The following DHX37 variants were observed in gnomAD, a reference collection of about 807,000 sequenced individuals.
DHX37 encodes the protein DEAH-box helicase 37, also known as probable ATP-dependent RNA helicase DHX37.
A neutral mutation model predicts 134.3 loss-of-function variants in DHX37; 52 were observed. The observed-to-expected ratio is 0.39, with a 90% CI of 0.31 to 0.49. The LOEUF (loss-of-function observed/expected upper bound fraction) is 0.49. DHX37 is among the 20% of genes least tolerant of loss of function. DHX37 has a pLI of 0.93. For synonymous variants in DHX37, 634 were observed against 670.7 expected, an observed-to-expected ratio of 0.95 and a Z score of 0.85; for missense variants, 1,344 against 1,580.8, an observed-to-expected ratio of 0.85 and a Z score of 2.54.
At chr12:124,968,486 G>A in intron 10 of DHX37, 48 bp downstream of exon 10, 1 of 1,601,090 alleles carries the variant, frequency 6.2e-7, no homozygotes, top group South Asian at 1.1e-5. Flanking sequence ...CTTTCAGCGA[G>A]GGTTTAGGAA....
intron 8 of DHX37, among the ~76,000 whole-genome samples, chr12:124,971,020 T>A (rs1954511209): frequency 6.6e-6 from 1 of 152,210 alleles, no homozygotes; most frequent in Non-Finnish European, 1.5e-5. Context: ...TGGCAAGGCA[T>A]CAACACTTCT....
chr12:124,976,899 T>C (rs1954655628), intron 5 of DHX37, among the ~76,000 whole-genome samples: 1 of 150,278 alleles, frequency 6.7e-6, no homozygotes, highest in Non-Finnish European at 1.5e-5. Flanking sequence ...ATACAAAAAT[T>C]AGCTGGGTGT....
chr12:124,982,726 C>T lies in DHX37; in HGVS notation c.277-103G>A. On this transcript the variant is annotated intron_variant, in intron 2 of 26. Transcript: ENST00000308736. ...TTTCAGCATCATTAACACCTGGAGTCTTTAAAATCGGCGGTCAAATTGCAA... is the reference window on the plus strand; with the variant it reads ...TTTCAGCATCATTAACACCTGGAGTTTTTAAAATCGGCGGTCAAATTGCAA... 2.0e-6 allele frequency: 3 copies of T among 1,476,768 alleles called. No homozygotes were observed. In the South Asian group the frequency reaches 3.8e-5, roughly 19 times the overall value. 91.5% of individuals were successfully genotyped at this position (1,476,768 alleles called of 1,614,324 possible).
At chr12:124,968,775 C>G (rs948630913) in intron 9 of DHX37, 92 bp downstream of exon 9, 43 of 1,596,870 alleles carry the variant, frequency 2.7e-5, no homozygotes, top group South Asian at 1.5e-4. Flanking sequence ...GTCAATCCCC[C>G]CTGTGACCAA....
At chr12:124,966,359 G>A (rs1954387452) in intron 12 of DHX37, among the ~76,000 whole-genome samples, 1 of 151,604 alleles carries the variant, frequency 6.6e-6, no homozygotes, top group South Asian at 2.1e-4. Context: ...TAGCCACCAC[G>A]CCTGGCCTTC....
At chr12:124,965,594 G>A in intron 13 of DHX37, 74 bp downstream of exon 13, 1 of 1,469,818 alleles carries the variant, frequency 6.8e-7, no homozygotes, top group Middle Eastern at 2.4e-4. Flanking sequence ...CCCCCGGGGG[G>A]CCCACAAGGG....
At chr12:124,960,570 G>A in intron 15 of DHX37, 147 bp from the exon 16 acceptor site, 1 of 1,336,818 alleles carries the variant, frequency 7.5e-7, no homozygotes, top group Non-Finnish European at 1.0e-6. Context: ...CAGGCACGGT[G>A]CTTTACCGCT....
chr12:124,986,001 A>G, intron 2 of DHX37, 95 bp downstream of exon 2: 1 of 1,478,428 alleles, frequency 6.8e-7, no homozygotes, highest in Middle Eastern at 2.4e-4. Flanking sequence ...AAGTTCTATT[A>G]GTTGCACCAC....
chr12:124,979,237 G>C (rs527565673), intron 4 of DHX37, among the ~76,000 whole-genome samples: 11 of 152,144 alleles, frequency 7.2e-5, no homozygotes, highest in African/African-American at 2.7e-4. Context: ...GCGTAGTAGC[G>C]TGTGCCCACA....
chr12:124,960,500 G>A (rs1954214290), intron 15 of DHX37, 77 bp from the exon 16 acceptor site: 1 of 1,562,312 alleles, frequency 6.4e-7, no homozygotes, highest in Non-Finnish European at 8.7e-7. Context: ...TGGGCAGACA[G>A]AAACCGGGAC....
chr12:124,962,955 G>A (rs546550926), intron 15 of DHX37, among the ~76,000 whole-genome samples: 2 of 152,350 alleles, frequency 1.3e-5, no homozygotes, highest in East Asian at 3.9e-4. Context: ...TGGCTCCTCG[G>A]TAAGTTAAAC....
chr12:124,954,225 T>A lies in DHX37; in HGVS notation c.2454-14A>T. Reference sequence around the variant, plus strand: ...CTGGCCGCTGGTCTGCAAACACACATACATACTGTCTGGGCTGGGGCCTCG... The same window carrying A: ...CTGGCCGCTGGTCTGCAAACACACAAACATACTGTCTGGGCTGGGGCCTCG... On this transcript the variant is annotated splice_polypyrimidine_tract_variant and intron_variant, in intron 18 of 26. Coordinates refer to ENST00000308736, the MANE Select transcript of DHX37 (RefSeq NM_032656.4). 1.3e-6 allele frequency: 2 copies of A among 1,562,284 alleles called. No homozygotes were observed. The highest frequency in any genetic ancestry group is 1.7e-6 in the Non-Finnish European group (2 of 1,155,194).
In DHX37 at chr12:124,967,131, C is replaced by T. The variant is rs141011175; in HGVS notation, c.1496G>A (p.Arg499Gln). Residue 499 changes from arginine to glutamine, a missense_variant, in exon 11 of 27, where the codon CGG becomes CAG. Arg to Gln is a conservative substitution (Grantham distance 43, BLOSUM62 1). Coordinates refer to ENST00000308736, the MANE Select transcript of DHX37 (RefSeq NM_032656.4). ...CGGGGCGTCCTCTTTACCTTGTGGC[C>T]GGGCTCTGGAGGGTGGGAAAGCCTT... ...LRKAFPPSRA[R>Q]PQEKDDDQKD... is the part of the protein sequence containing the mutation. The T allele has an allele frequency of 7.0e-4, 1,132 of 1,613,652 alleles. 2 individuals are homozygous for T. The highest frequency in any genetic ancestry group is 8.9e-4 in the Non-Finnish European group (1,046 of 1,180,006).
chr12:124,981,474 G>T (rs1451645536), intron 3 of DHX37, among the ~76,000 whole-genome samples: 1 of 152,076 alleles, frequency 6.6e-6, no homozygotes, highest in Non-Finnish European at 1.5e-5. Context: ...TCACCTTGTC[G>T]CCCAGGACGG....
chr12:124,967,207 C>A lies in DHX37; in HGVS notation c.1420G>T (p.Val474Leu), dbSNP rs762497882. 2 of 1,613,898 alleles carry A rather than the reference C, an allele frequency of 1.2e-6. No individual in the cohort carries two copies. The highest frequency in any genetic ancestry group is 1.7e-6 in the Non-Finnish European group (2 of 1,180,014). ...HRMLPAGGIL[V>L]FLTGQAEVHA... ...ACCTCAGCCTGCCCCGTCAGGAACA[C>A]CAGGATGCCACCTGTGGAAAGAATG... is the stretch of plus-strand genomic sequence containing the variant. The change falls in exon 11 of 27, where the codon GTG becomes TTG. Residue 474 changes from valine (V) to leucine (L), a missense_variant. By Grantham distance (32) the Val-to-Leu change is conservative. Around this residue, in one of 7 missense-constraint regions of DHX37, gnomAD observed 289 missense variants for 323.8 expected, o/e 0.89. Coordinates refer to ENST00000308736, the MANE Select transcript of DHX37 (RefSeq NM_032656.4).
intron 16 of DHX37, among the ~76,000 whole-genome samples, chr12:124,958,178 TG>T (rs1954141317): frequency 6.6e-6 from 1 of 152,214 alleles, no homozygotes; most frequent in East Asian, 1.9e-4. Flanking sequence ...GTGAACACAC[TG>T]GAAACTACTG....
intron 22 of DHX37, 32 bp from the exon 23 acceptor site, chr12:124,950,582 G>A (rs746906254): frequency 8.4e-6 from 13 of 1,548,756 alleles, no homozygotes; most frequent in Non-Finnish European, 1.1e-5. Flanking sequence ...TGGGGTTACA[G>A]CGGCACCCTC....
rs772028476 is a variant in DHX37 at position 124,968,599 on chromosome 12, G to A, written c.1343C>T (p.Pro448Leu). 8.3e-5 allele frequency: 134 copies of A among 1,614,010 alleles called. 1 individual carries two copies. The highest frequency in any genetic ancestry group is 6.6e-4 in the Middle Eastern group (4 of 6,084). The change falls in exon 10 of 27, where the codon CCG becomes CTG. Residue 448 changes from proline (P) to leucine (L), a missense_variant. Around this residue, in one of 7 missense-constraint regions of DHX37, gnomAD observed 289 missense variants for 323.8 expected, o/e 0.89. Coordinates refer to ENST00000308736, the MANE Select transcript of DHX37 (RefSeq NM_032656.4). The part of the protein sequence containing the change: ...PVTVHFNKRT[P>L]LEDYSGECFR... ...GCACTCGCCACTGTAGTCTTCCAGC[G>A]GTGTCCGCTTGTTGAAATGCACAGT...
chr12:124,985,049 A>G (rs939598256), intron 2 of DHX37, among the ~76,000 whole-genome samples: 1 of 152,108 alleles, frequency 6.6e-6, no homozygotes, highest in African/African-American at 2.4e-5. Context: ...GAACGCCTGG[A>G]GCCGCCAGGA....
Sources: gnomAD v4.1 joint callset for allele counts (sites outside exome capture counted in the v4.1 genomes callset) on GRCh38, gnomAD v4.1.1 for gene constraint, gnomAD v4.1.1 regional missense constraint, MANE v1.5 for transcripts, NCBI Gene and HGNC (gene_info 2026-07-23, HGNC 2026-07-21) for gene names.